The following ACADSB variants were observed in gnomAD, a reference collection of about 807,000 sequenced individuals.
ACADSB encodes acyl-CoA dehydrogenase short/branched chain.
Under a neutral mutation model 54.1 loss-of-function variants are expected in ACADSB, and 40 were observed. The observed-to-expected ratio is 0.74, with a 90% CI of 0.57 to 0.96. The LOEUF is 0.96. Among genes scored for constraint, ACADSB ranks in the 40% least tolerant of loss-of-function variants. The probability of loss-of-function intolerance (pLI) is 0.00; values close to 1 mark genes in which losing one functional copy is unlikely to be tolerated. For synonymous variants in ACADSB, 182 were observed against 182.8 expected (o/e 1.00, Z 0.03); for missense variants, 530 against 510.4 (o/e 1.04, Z -0.37).
chr10:123,041,641 A>T (rs1240833307), intron 5 of ACADSB, among the ~76,000 whole-genome samples: 13 of 152,232 alleles, frequency 8.5e-5, no homozygotes. Context: ...TGATTAAAAA[A>T]AAATTCTGCA....
At position 123,053,893 on chromosome 10, in the gene ACADSB, T is replaced by G; in HGVS notation, c.*128T>G. ...GCATTCGAATATTTTAATGAAGCCC[T>G]TAGTCAGGGTCCTGGTGTTGGCCTT... On this transcript the variant is annotated 3_prime_UTR_variant, in exon 11 of 11. Coordinates refer to ENST00000358776, the MANE Select transcript of ACADSB (RefSeq NM_001609.4). 1.1e-6 allele frequency: 1 copy of G among 883,952 alleles called. No homozygotes were observed. Among genetic ancestry groups the G allele is most frequent in the Non-Finnish European group, 1.8e-6 (1 of 541,608 alleles). The allele number at this position is 883,952 out of a possible 1,614,324, so 54.8% of individuals were successfully genotyped here.
At chr10:123,019,665 T>A (rs1357212478) in intron 1 of ACADSB, among the ~76,000 whole-genome samples, 1 of 152,252 alleles carries the variant, frequency 6.6e-6, no homozygotes, top group Non-Finnish European at 1.5e-5. Flanking sequence ...CCATTTTGAT[T>A]CTGACAACTT....
chr10:123,029,916 C>G (rs1024276435), intron 1 of ACADSB, among the ~76,000 whole-genome samples: 1 of 152,104 alleles, frequency 6.6e-6, no homozygotes, highest in Non-Finnish European at 1.5e-5. Flanking sequence ...ATGGGAATTC[C>G]AAGATCCATT....
At chr10:123,013,559 G>A (rs971619702) in intron 1 of ACADSB, among the ~76,000 whole-genome samples, 4 of 152,266 alleles carry the variant, frequency 2.6e-5, no homozygotes, top group Admixed American at 6.5e-5. Flanking sequence ...AGGGGGTGGC[G>A]CTCGTCGGGG....
intron 3 of ACADSB, among the ~76,000 whole-genome samples, chr10:123,038,302 A>G (rs1379766481): frequency 6.6e-6 from 1 of 152,272 alleles, no homozygotes; most frequent in African/African-American, 2.4e-5. Flanking sequence ...TACTTTAGAT[A>G]GTGAAACTTC....
chr10:123,037,975 T>C, intron 3 of ACADSB, 128 bp downstream of exon 3: 1 of 710,918 alleles, frequency 1.4e-6, no homozygotes, highest in Non-Finnish European at 2.4e-6. Context: ...AAATCCTACT[T>C]GATATTTATG....
intron 8 of ACADSB, among the ~76,000 whole-genome samples, chr10:123,048,313 C>T (rs377239787): frequency 2.6e-5 from 4 of 152,286 alleles, no homozygotes; most frequent in African/African-American, 9.6e-5. Context: ...GAGTGGCAGG[C>T]CTGGCCAGTG....
chr10:123,056,312 C>T lies in ACADSB; in HGVS notation c.*2547C>T, dbSNP rs533708371. On this transcript the variant is annotated 3_prime_UTR_variant, in exon 11 of 11. Coordinates refer to ENST00000358776, the MANE Select transcript of ACADSB (RefSeq NM_001609.4). ...TCATGGCGGGAGGTGAAAAGCACTT[C>T]GTACATGGTGGTGGCAAGAGAAAAT... 18 of 235,982 alleles carry T rather than the reference C, an allele frequency of 7.6e-5. No homozygotes were observed. The highest frequency in any genetic ancestry group is 2.1e-4 in the African/African-American group (9 of 42,804). The allele number at this position is 235,982 out of a possible 1,614,324, so 14.6% of individuals were successfully genotyped here. A position where few individuals can be genotyped will look rare whatever the true frequency, so the allele number is the denominator to read the frequency against.
At chr10:123,022,234 A>C (rs74959971) in intron 1 of ACADSB, among the ~76,000 whole-genome samples, 1,908 of 152,332 alleles carry the variant, frequency 0.013, 21 homozygotes, top group Non-Finnish European at 0.019. Flanking sequence ...TTCTCAGAGA[A>C]AGGAATATTT....
intron 1 of ACADSB, among the ~76,000 whole-genome samples, chr10:123,014,092 T>C (rs557266811): frequency 6.6e-4 from 100 of 152,244 alleles, no homozygotes; most frequent in Non-Finnish European, 1.2e-3. Flanking sequence ...AAATTATTAA[T>C]GCTGTTTTTG....
intron 7 of ACADSB, among the ~76,000 whole-genome samples, chr10:123,045,414 T>G (rs1229133294): frequency 2.0e-5 from 3 of 151,500 alleles, no homozygotes; most frequent in African/African-American, 7.3e-5. Flanking sequence ...TCTCCTGACC[T>G]CGTGATCCAC....
intron 1 of ACADSB, among the ~76,000 whole-genome samples, chr10:123,013,249 A>C (rs9423311): frequency 0.57 from 85,718 of 149,160 alleles, 26,066 homozygotes; most frequent in Non-Finnish European, 0.69. Context: ...TCTTCAAGTC[A>C]CCACCAGATT....
intron 1 of ACADSB, among the ~76,000 whole-genome samples, chr10:123,021,023 C>A (rs182628123): frequency 2.6e-5 from 4 of 152,200 alleles, no homozygotes; most frequent in African/African-American, 4.8e-5. Context: ...TAAATAAATA[C>A]ATACATAAGA....
intron 3 of ACADSB, among the ~76,000 whole-genome samples, chr10:123,038,106 TG>T (rs1287596704): frequency 6.6e-6 from 1 of 152,210 alleles, no homozygotes; most frequent in Non-Finnish European, 1.5e-5. Flanking sequence ...GGTTCTCAAA[TG>T]GGGGCAGTTT....
At position 123,037,746 on chromosome 10, in the gene ACADSB, G is replaced by A; in HGVS notation, c.203-1G>A. On this transcript the variant is annotated splice_acceptor_variant, in intron 2 of 10. Coordinates refer to ENST00000358776, the MANE Select transcript of ACADSB (RefSeq NM_001609.4). LOFTEE classifies it high-confidence loss of function. ...CTTATCAGTAATTCTTTTTCCTACAGTTAAAAAATTTGCTCAGGAACAAAT... is the reference window on the plus strand; with the variant it reads ...CTTATCAGTAATTCTTTTTCCTACAATTAAAAAATTTGCTCAGGAACAAAT... 6.3e-7 allele frequency: 1 copy of A among 1,598,772 alleles called. No homozygotes were observed. The highest frequency in any genetic ancestry group is 8.6e-7 in the Non-Finnish European group (1 of 1,166,412).
At chr10:123,009,360 C>T (rs1352210654) in intron 1 of ACADSB, among the ~76,000 whole-genome samples, 30 of 152,114 alleles carry the variant, frequency 2.0e-4, no homozygotes, top group Non-Finnish European at 2.1e-4. Context: ...CTTTGCAGGC[C>T]GTTGCGTCCT....
intron 5 of ACADSB, among the ~76,000 whole-genome samples, chr10:123,041,721 A>T (rs1850476697): frequency 6.6e-6 from 1 of 152,192 alleles, no homozygotes; most frequent in Non-Finnish European, 1.5e-5. Flanking sequence ...GAATAAAGTG[A>T]CATGCATGTA....
At chr10:123,023,408 A>G (rs780987909) in intron 1 of ACADSB, among the ~76,000 whole-genome samples, 11 of 152,214 alleles carry the variant, frequency 7.2e-5, no homozygotes, top group Non-Finnish European at 1.2e-4. Context: ...GCACTCTTTT[A>G]CTTAAAAGCC....
chr10:123,044,324 T>C lies in ACADSB; in HGVS notation c.808-69T>C, dbSNP rs1589742961. 5 of 1,376,972 alleles carry C rather than the reference T, an allele frequency of 3.6e-6. No individual in the cohort carries two copies. The East Asian group carries it at 1.2e-4, about 32-fold the overall frequency. The allele number at this position is 1,376,972 out of a possible 1,614,324, so 85.3% of individuals were successfully genotyped here. A position where few individuals can be genotyped will look rare whatever the true frequency, so the allele number is the denominator to read the frequency against. On this transcript the variant is annotated intron_variant, in intron 6 of 10. Transcript: ENST00000358776. ...CACGAATTGAGAGTCTATGTGTACT[T>C]ACAAATATATAATCAAAATGAATCA... is the stretch of plus-strand genomic sequence containing the variant.
Sources: gnomAD v4.1 joint callset for allele counts (sites outside exome capture counted in the v4.1 genomes callset) on GRCh38, gnomAD v4.1.1 for gene constraint, MANE v1.5 for transcripts, NCBI Gene and HGNC (gene_info 2026-07-23, HGNC 2026-07-21) for gene names.